TTC29: variants seen among roughly 807,000 people sequenced by gnomAD.
TTC29 encodes the protein tetratricopeptide repeat domain 29, also known as tetratricopeptide repeat protein 29.
TTC29 carries 49 observed loss-of-function variants against 58.1 expected under a neutral mutation model. The ratio of observed to expected loss-of-function variants is 0.84; its 90% confidence interval spans 0.67 to 1.07. The LOEUF (loss-of-function observed/expected upper bound fraction) is 1.07, where lower values mean the gene tolerates loss of function less well. Among genes scored for constraint, TTC29 ranks in the 50% least tolerant of loss-of-function variants. The probability of loss-of-function intolerance (pLI) is 0.00; values close to 1 mark genes in which losing one functional copy is unlikely to be tolerated. For synonymous variants in TTC29, 209 were observed against 196.8 expected (o/e 1.06, Z -0.52); for missense variants, 582 against 555.6 (o/e 1.05, Z -0.48).
At chr4:146,846,231 C>T (rs760332830) in intron 8 of TTC29, among the ~76,000 whole-genome samples, 13 of 152,250 alleles carry the variant, frequency 8.5e-5, no homozygotes, top group Middle Eastern at 3.4e-3. Context: ...TAGAAGAAGA[C>T]TTACATGAAA....
At chr4:146,928,544 T>A (rs1735091917) in intron 4 of TTC29, among the ~76,000 whole-genome samples, 1 of 152,178 alleles carries the variant, frequency 6.6e-6, no homozygotes, top group Non-Finnish European at 1.5e-5. Flanking sequence ...AAAAAGTATT[T>A]CTTGAGTGCC....
chr4:146,863,077 G>A (rs529150118), intron 8 of TTC29, among the ~76,000 whole-genome samples: 29 of 150,284 alleles, frequency 1.9e-4, no homozygotes, highest in Admixed American at 6.0e-4. Context: ...AACCGAGATC[G>A]TGCCACTACA....
chr4:146,755,104 T>C (rs1191874606), intron 11 of TTC29, among the ~76,000 whole-genome samples: 1 of 151,994 alleles, frequency 6.6e-6, no homozygotes, highest in Non-Finnish European at 1.5e-5. Flanking sequence ...AGCCACCTTA[T>C]TGAAAATAAA....
intron 10 of TTC29, among the ~76,000 whole-genome samples, chr4:146,811,694 G>A (rs1321720982): frequency 6.6e-6 from 1 of 152,118 alleles, no homozygotes; most frequent in East Asian, 1.9e-4. Context: ...AGCAAGTAGA[G>A]GTAAAACACA....
At chr4:146,851,653 T>A (rs1729523859) in intron 8 of TTC29, among the ~76,000 whole-genome samples, 1 of 152,224 alleles carries the variant, frequency 6.6e-6, no homozygotes, top group African/African-American at 2.4e-5. Context: ...CTGATTACAC[T>A]GCTTTCAGAA....
At position 146,717,244 on chromosome 4, in the gene TTC29, G is replaced by A. The variant is rs1035576357; in HGVS notation, c.1331-9693C>T. Among the ~76,000 whole-genome samples, 6 of 152,020 alleles carry A rather than the reference G, an allele frequency of 3.9e-5. No individual in the cohort carries two copies. In the South Asian group the frequency reaches 6.2e-4, roughly 16 times the overall value. ...TGGATTGAGAACATATTTTGTAATAGGGAATATGGTCAGCACTTGTATGGT... is the reference window on the plus strand; with the variant it reads ...TGGATTGAGAACATATTTTGTAATAAGGAATATGGTCAGCACTTGTATGGT... On this transcript the variant is annotated intron_variant, in intron 11 of 12. Coordinates refer to ENST00000325106, the MANE Select transcript of TTC29 (RefSeq NM_031956.4).
intron 9 of TTC29, among the ~76,000 whole-genome samples, chr4:146,830,931 G>A (rs573304097): frequency 3.3e-5 from 5 of 152,322 alleles, no homozygotes; most frequent in African/African-American, 1.2e-4. Context: ...TATTCAGGAT[G>A]CTGTTGTCTA....
chr4:146,782,386 T>C (rs1179294079), intron 11 of TTC29, among the ~76,000 whole-genome samples: 2 of 151,772 alleles, frequency 1.3e-5, no homozygotes. Context: ...ATTATTGAAA[T>C]GTATTAATTA....
At chr4:146,735,055 T>G (rs922275470) in intron 11 of TTC29, among the ~76,000 whole-genome samples, 29 of 152,202 alleles carry the variant, frequency 1.9e-4, no homozygotes, top group African/African-American at 7.0e-4. Flanking sequence ...AAATATTCAA[T>G]CCATTGGTTA....
At chr4:146,925,876 T>C (rs1451366932) in intron 4 of TTC29, among the ~76,000 whole-genome samples, 1 of 152,164 alleles carries the variant, frequency 6.6e-6, no homozygotes, top group Non-Finnish European at 1.5e-5. Flanking sequence ...ATGTCATCCA[T>C]TTTCTTTCCA....
chr4:146,796,485 T>G (rs956885601), intron 11 of TTC29, among the ~76,000 whole-genome samples: 1 of 152,180 alleles, frequency 6.6e-6, no homozygotes, highest in Admixed American at 6.5e-5. Context: ...GTATATTTAG[T>G]AATTATCCAT....
intron 11 of TTC29, among the ~76,000 whole-genome samples, chr4:146,753,947 T>C (rs1294503577): frequency 6.6e-6 from 1 of 151,916 alleles, no homozygotes; most frequent in East Asian, 1.9e-4. Flanking sequence ...GAGATATACC[T>C]AATGCTAAAT....
intron 7 of TTC29, among the ~76,000 whole-genome samples, chr4:146,873,919 G>A (rs1432594156): frequency 2.6e-5 from 4 of 152,004 alleles, no homozygotes; most frequent in Non-Finnish European, 5.9e-5. Flanking sequence ...TTTAGTTCAG[G>A]AGCATAACTT....
At chr4:146,728,860 C>CATATATATGTCTATATATACGT (rs1554006144) in intron 11 of TTC29, among the ~76,000 whole-genome samples, 3 of 62,026 alleles carry the variant, frequency 4.8e-5, no homozygotes, top group Non-Finnish European at 1.1e-4. Context: ...TATATATACA[C>CATATATATGTCTATATATACGT]ATATATATGT....
chr4:146,774,141 G>T (rs371041318), intron 11 of TTC29, among the ~76,000 whole-genome samples: 2 of 151,950 alleles, frequency 1.3e-5, no homozygotes, highest in East Asian at 3.9e-4. Flanking sequence ...AGTTTAGCTA[G>T]CAGTCTATCT....
chr4:146,912,998 G>A (rs1328444891), intron 4 of TTC29, among the ~76,000 whole-genome samples: 1 of 152,118 alleles, frequency 6.6e-6, no homozygotes, highest in African/African-American at 2.4e-5. Context: ...GGATGAACAG[G>A]TTTGGGGAAA....
At chr4:146,788,057 T>C (rs1218209859) in intron 11 of TTC29, among the ~76,000 whole-genome samples, 1 of 152,196 alleles carries the variant, frequency 6.6e-6, no homozygotes, top group Non-Finnish European at 1.5e-5. Context: ...CTGCTGAAAC[T>C]GATCGACTGA....
At chr4:146,845,225 T>C (rs1729089677) in intron 8 of TTC29, among the ~76,000 whole-genome samples, 1 of 152,154 alleles carries the variant, frequency 6.6e-6, no homozygotes, top group Non-Finnish European at 1.5e-5. Context: ...AACAGCTGCC[T>C]TAGAGTTAAG....
chr4:146,753,561 C>T (rs1020137202), intron 11 of TTC29, among the ~76,000 whole-genome samples: 3 of 152,132 alleles, frequency 2.0e-5, no homozygotes, highest in African/African-American at 4.8e-5. Context: ...GATATATATA[C>T]CCAAAGGATT....
Sources: gnomAD v4.1 joint callset for allele counts (sites outside exome capture counted in the v4.1 genomes callset) on GRCh38, gnomAD v4.1.1 for gene constraint, MANE v1.5 for transcripts, NCBI Gene and HGNC (gene_info 2026-07-23, HGNC 2026-07-21) for gene names.